Variants in FSTL5 observed in about 807,000 individuals in gnomAD.
FSTL5 encodes the protein follistatin like 5.
FSTL5 carries 62 observed loss-of-function variants against 89.1 expected under a neutral mutation model. The ratio of observed to expected loss-of-function variants is 0.70; its 90% CI spans 0.57 to 0.86. The LOEUF (loss-of-function observed/expected upper bound fraction) is 0.86. Ranked by LOEUF, FSTL5 falls within the 40% of genes least tolerant of loss-of-function variation. The pLI, the probability that FSTL5 is intolerant of heterozygous loss-of-function variation, is 0.00. For missense variants in FSTL5, 1,057 were observed against 1,001.6 expected (o/e 1.06, Z -0.75); for synonymous variants, 383 against 346.2 (o/e 1.11, Z -1.18).
At chr4:161,579,671 CG>C (rs1733356620) in intron 8 of FSTL5, among the ~76,000 whole-genome samples, 1 of 147,624 alleles carries the variant, frequency 6.8e-6, no homozygotes, top group Admixed American at 7.0e-5. Context: ...GAGCCAAGAT[CG>C]TGCCATTGCA....
chr4:161,864,686 G>A (rs1053838612), intron 4 of FSTL5, among the ~76,000 whole-genome samples: 5 of 151,794 alleles, frequency 3.3e-5, no homozygotes, highest in South Asian at 2.1e-4. Context: ...CCTGGCTAAC[G>A]TGGTGAAACC....
chr4:161,766,887 T>C (rs66521545), intron 5 of FSTL5, among the ~76,000 whole-genome samples: 30,652 of 149,856 alleles, frequency 0.2, 3,136 homozygotes, highest in Middle Eastern at 0.32. Flanking sequence ...TACAGATAGA[T>C]AGACAATAGA....
intron 5 of FSTL5, among the ~76,000 whole-genome samples, chr4:161,765,865 G>A (rs1217426229): frequency 6.7e-6 from 1 of 150,138 alleles, no homozygotes; most frequent in Admixed American, 6.7e-5. Context: ...GCACAATCTC[G>A]GCTCACTGCA....
chr4:161,695,424 C>CGTGTGTGTGTGTGTGTGTGT (rs151205054), intron 6 of FSTL5, among the ~76,000 whole-genome samples: 10,046 of 133,068 alleles, frequency 0.075, 506 homozygotes, highest in Non-Finnish European at 0.12. Flanking sequence ...CCATGGTGTA[C>CGTGTGTGTGTGTGTGTGTGT]GTGTGTGTGT....
intron 3 of FSTL5, among the ~76,000 whole-genome samples, chr4:162,026,480 G>A (rs972977793): frequency 7.3e-5 from 11 of 151,132 alleles, no homozygotes; most frequent in Non-Finnish European, 1.5e-4. Context: ...GCTAATTTTT[G>A]TATTTTTAGT....
chr4:161,600,027 A>G (rs543500407), intron 7 of FSTL5, among the ~76,000 whole-genome samples: 1 of 152,200 alleles, frequency 6.6e-6, no homozygotes, highest in African/African-American at 2.4e-5. Flanking sequence ...TAACTTCCCT[A>G]TGAAGGTTAC....
At chr4:162,014,111 T>C (rs989129722) in intron 3 of FSTL5, among the ~76,000 whole-genome samples, 6 of 152,146 alleles carry the variant, frequency 3.9e-5, no homozygotes, top group Admixed American at 6.5e-5. Context: ...CCTGCATCTG[T>C]GGAGGCAAGT....
intron 4 of FSTL5, among the ~76,000 whole-genome samples, chr4:161,841,281 G>T (rs763415174): frequency 1.3e-5 from 2 of 152,036 alleles, no homozygotes; most frequent in Non-Finnish European, 2.9e-5. Flanking sequence ...AAATAGAAAA[G>T]GAAAACCATA....
At chr4:161,984,738 G>A (rs1474893690) in intron 3 of FSTL5, among the ~76,000 whole-genome samples, 1 of 151,950 alleles carries the variant, frequency 6.6e-6, no homozygotes, top group Non-Finnish European at 1.5e-5. Context: ...TAATCAATGT[G>A]TGCTTATTTT....
intron 15 of FSTL5, among the ~76,000 whole-genome samples, chr4:161,441,935 C>T (rs903435210): frequency 6.6e-6 from 1 of 152,070 alleles, no homozygotes; most frequent in African/African-American, 2.4e-5. Context: ...TATTCGCTAA[C>T]ATAAGTGAAA....
intron 6 of FSTL5, among the ~76,000 whole-genome samples, chr4:161,674,668 T>C (rs910816108): frequency 3.9e-5 from 6 of 152,160 alleles, no homozygotes; most frequent in Non-Finnish European, 5.9e-5. Context: ...GCTTGTTTGA[T>C]TGGGACATTG....
intron 12 of FSTL5, among the ~76,000 whole-genome samples, chr4:161,491,029 G>A (rs916983609): frequency 1.5e-4 from 23 of 151,806 alleles, no homozygotes; most frequent in South Asian, 2.1e-4. Context: ...TAAAAGGCAC[G>A]TTATCTTTGT....
At chr4:162,135,116 T>G (rs1276012922) in intron 1 of FSTL5, among the ~76,000 whole-genome samples, 1 of 152,180 alleles carries the variant, frequency 6.6e-6, no homozygotes, top group Non-Finnish European at 1.5e-5. Flanking sequence ...CTCCACTTAA[T>G]TAGCTCATTA....
At chr4:161,469,558 C>T (rs1733862949) in intron 13 of FSTL5, among the ~76,000 whole-genome samples, 1 of 151,938 alleles carries the variant, frequency 6.6e-6, no homozygotes, top group Non-Finnish European at 1.5e-5. Flanking sequence ...TTATATTGGT[C>T]ATCTTTTTAT....
chr4:161,939,766 T>C (rs1734528034), intron 3 of FSTL5, among the ~76,000 whole-genome samples: 2 of 151,958 alleles, frequency 1.3e-5, no homozygotes, highest in Non-Finnish European at 1.5e-5. Flanking sequence ...CAAAAATGTT[T>C]ATTTTAAAGC....
intron 8 of FSTL5, among the ~76,000 whole-genome samples, chr4:161,560,200 C>G (rs764069002): frequency 2.0e-5 from 3 of 151,722 alleles, no homozygotes; most frequent in Non-Finnish European, 4.4e-5. Context: ...ATTTATATAT[C>G]TAAACATATA....
chr4:161,777,148 G>T (rs2126805196), intron 4 of FSTL5, among the ~76,000 whole-genome samples: 1 of 150,938 alleles, frequency 6.6e-6, no homozygotes, highest in Non-Finnish European at 1.5e-5. Context: ...TCTATGCCTG[G>T]TTTATTTCAC....
At chr4:161,995,982 C>T (rs1432818023) in intron 3 of FSTL5, among the ~76,000 whole-genome samples, 6 of 152,072 alleles carry the variant, frequency 3.9e-5, no homozygotes, top group Admixed American at 1.3e-4. Context: ...GGATACAAAG[C>T]GCTTTATTAG....
At chr4:161,999,970 G>C (rs748283987) in intron 3 of FSTL5, among the ~76,000 whole-genome samples, 1 of 152,158 alleles carries the variant, frequency 6.6e-6, no homozygotes, top group Non-Finnish European at 1.5e-5. Context: ...AATTCTACAG[G>C]TATCATATAA....
Sources: gnomAD v4.1 joint callset for allele counts (sites outside exome capture counted in the v4.1 genomes callset) on GRCh38, gnomAD v4.1.1 for gene constraint, MANE v1.5 for transcripts, NCBI Gene and HGNC (gene_info 2026-07-23, HGNC 2026-07-21) for gene names.